VARS2: variants seen among roughly 807,000 people sequenced by gnomAD.
VARS2 encodes valine--tRNA ligase, mitochondrial.
A neutral mutation model predicts 154.1 loss-of-function variants in VARS2; 105 were observed. That is an observed-to-expected ratio of 0.68 (90% confidence interval 0.58 to 0.80). VARS2 has a LOEUF of 0.80. Among genes scored for constraint, VARS2 ranks in the 30% least tolerant of loss-of-function variants. The pLI is 0.00. For synonymous variants in VARS2, 483 were observed against 539.5 expected, an observed-to-expected ratio of 0.90 and a Z score of 1.45; for missense variants, 1,157 against 1,361.4, an observed-to-expected ratio of 0.85 and a Z score of 2.36.
chr6:30,914,294 C>T lies in VARS2; in HGVS notation c.-78C>T. 1.9e-6 allele frequency: 2 copies of T among 1,050,228 alleles called. No individual in the cohort carries two copies. The highest frequency in any genetic ancestry group is 2.4e-6 in the Non-Finnish European group (2 of 818,834). The allele number at this position is 1,050,228 out of a possible 1,614,324, so 65.1% of individuals were successfully genotyped here. On this transcript the variant is annotated 5_prime_UTR_variant, in exon 1 of 30. Transcript: ENST00000676266. ...GTTCCAGGGTCGGGTTTGGTGGATT[C>T]CTCAGTCCCTGCCGCCGCGGGGCGC...
At position 30,922,072 on chromosome 6, in the gene VARS2, G is replaced by GGGGGCCT. The variant is rs777698400; in HGVS notation, c.1807-33_1807-27dup. The GGGGGCCT allele has an allele frequency of 1.2e-5, 19 of 1,612,754 alleles. 1 individual carries two copies. The South Asian group carries it at 2.1e-4, about 18-fold the overall frequency. On this transcript the variant is annotated intron_variant, in intron 19 of 29. Transcript: ENST00000676266. ...GGCTGGGCCCCCACAGAGGCTTGAG[G>GGGGGCCT]GGGGCCTGGGGCCTGGGCCTCTTAC...
rs377324441 is a variant in VARS2, at chr6:30,921,616, C to T, written c.1660C>T (p.Arg554Trp). 8.7e-6 allele frequency: 14 copies of T among 1,608,084 alleles called. No homozygotes were observed. Among genetic ancestry groups the T allele is most frequent in the South Asian group, 2.2e-5 (2 of 89,644 alleles). The part of the protein sequence containing the change: ...QGEEDCWVVG[R>W]SEAEAREVAA... ...AGAAGAGGACTGTTGGGTGGTTGGG[C>T]GGTCAGAGGCTGAGGCCAGAGAGGT... Residue 554 changes from arginine (R) to tryptophan (W), a missense_variant, in exon 18 of 30, where the codon CGG becomes TGG. Physicochemically the swap from Arg to Trp is moderately radical, Grantham distance 101. Transcript: ENST00000676266. This position sits in a 1 kb window ranked among gnomAD's most constrained non-coding sequence, Gnocchi z 4.6.
chr6:30,924,568 C>T lies in VARS2; in HGVS notation c.2673+8C>T. 1.3e-6 allele frequency: 2 copies of T among 1,506,834 alleles called. No homozygotes were observed. Among genetic ancestry groups the T allele is most frequent in the Non-Finnish European group, 1.8e-6 (2 of 1,119,178 alleles). 93.3% of individuals were successfully genotyped at this position (1,506,834 alleles called of 1,614,324 possible). ...CCCAGCGCCTGCAGCTTGGTGAGTC[C>T]CAAGCACCTTGGAGTGGGTCTGTGG... On this transcript the variant is annotated splice_region_variant and intron_variant, in intron 26 of 29. Coordinates refer to ENST00000676266, the MANE Select transcript of VARS2 (RefSeq NM_020442.6).
At chr6:30,923,954 G>A (rs1202911605) in intron 25 of VARS2, 1 of 358,882 alleles carries the variant, frequency 2.8e-6, no homozygotes, top group Middle Eastern at 8.3e-4. Flanking sequence ...CCCCAGAGTG[G>A]CTCCTTTAGC....
chr6:30,919,674 T>G lies in VARS2; in HGVS notation c.1075-84T>G, dbSNP rs1794383739. The G allele has an allele frequency of 9.2e-7, 1 of 1,091,380 alleles. No individual in the cohort carries two copies. The highest frequency in any genetic ancestry group is 1.6e-5 in the African/African-American group (1 of 62,514). The allele number at this position is 1,091,380 out of a possible 1,614,324, so 67.6% of individuals were successfully genotyped here. A position where few individuals can be genotyped will look rare whatever the true frequency, so the allele number is the denominator to read the frequency against. ...TTGCTACCTTCCACTTTCTACCTTC[T>G]TATTCCTGGGGTTCTCACGCCCCAG... is the stretch of plus-strand genomic sequence containing the variant. On this transcript the variant is annotated intron_variant, in intron 11 of 29. Coordinates refer to ENST00000676266, the MANE Select transcript of VARS2 (RefSeq NM_020442.6). The surrounding 1 kb of genome is among the most constrained non-coding windows in gnomAD (Gnocchi z 4.5).
chr6:30,919,328 A>AT lies in VARS2; in HGVS notation c.1074+421dup, dbSNP rs1794362307. On this transcript the variant is annotated intron_variant, in intron 11 of 29. Transcript: ENST00000676266. The surrounding 1 kb of genome is among the most constrained non-coding windows in gnomAD (Gnocchi z 4.5). The stretch of plus-strand genomic sequence containing the variant: ...GTATTTTTACAAAAATTAGTAATTA[A>AT]TTTTTTTTAAGTAATGTAATTTTTA... The AT allele has an allele frequency of 5.6e-6, 1 of 178,602 alleles. No individual in the cohort carries two copies. Among genetic ancestry groups the AT allele is most frequent in the Admixed American group, 5.9e-5 (1 of 16,856 alleles). The allele number at this position is 178,602 out of a possible 1,614,324, so 11.1% of individuals were successfully genotyped here. A position where few individuals can be genotyped will look rare whatever the true frequency, so the allele number is the denominator to read the frequency against.
Position 30,925,918 on chromosome 6 carries a change from C to T in VARS2, c.3000C>T (p.Ala1000=), listed in dbSNP as rs563588187. The T allele has an allele frequency of 8.1e-6, 13 of 1,613,026 alleles. No individual in the cohort carries two copies. Among genetic ancestry groups the T allele is most frequent in the East Asian group, 6.7e-5 (3 of 44,878 alleles). The change falls in exon 29 of 30, where the codon GCC becomes GCT. Residue 1000 remains alanine, a synonymous_variant. Transcript: ENST00000676266. The stretch of plus-strand genomic sequence containing the variant: ...CGCAGATCCAGCTACCTCTGTTAGC[C>T]GCCCGAAGGTACAAGTTGCAGAAGC... ...VDPQIQLPLL[A]ARRYKLQKQL...
In VARS2 at chr6:30,917,841, C is replaced by T. The variant is rs1487332221; in HGVS notation, c.985+35C>T. Reference sequence around the variant, plus strand: ...GTACTCTGCAGGGTCACCCGTTTACCTCCATTTTTCCTGTTTTCTGAAGCC... The same window carrying T: ...GTACTCTGCAGGGTCACCCGTTTACTTCCATTTTTCCTGTTTTCTGAAGCC... On this transcript the variant is annotated intron_variant, in intron 10 of 29. Transcript: ENST00000676266. The surrounding 1 kb of genome is among the most constrained non-coding windows in gnomAD (Gnocchi z 4.4). The T allele has an allele frequency of 6.5e-7, 1 of 1,545,550 alleles. No homozygotes were observed. The highest frequency in any genetic ancestry group is 8.8e-7 in the Non-Finnish European group (1 of 1,141,800).
Position 30,921,816 on chromosome 6 carries a change from G to A in VARS2, c.1736-109G>A, listed in dbSNP as rs984974900. On this transcript the variant is annotated intron_variant, in intron 18 of 29. Transcript: ENST00000676266. The surrounding 1 kb of genome is among the most constrained non-coding windows in gnomAD (Gnocchi z 4.6). Reference sequence around the variant, plus strand: ...GAAAGTTGGGAATGGAGCCAAAGGGGACAGCCCTGGTCTCTGGGGGTGGGG... The same window carrying A: ...GAAAGTTGGGAATGGAGCCAAAGGGAACAGCCCTGGTCTCTGGGGGTGGGG... 16 of 1,556,742 alleles carry A rather than the reference G, an allele frequency of 1.0e-5. No individual in the cohort carries two copies. Among genetic ancestry groups the A allele is most frequent in the Non-Finnish European group, 1.3e-5 (15 of 1,136,276 alleles).
At chr6:30,923,837 C>T in intron 25 of VARS2, 1 of 413,848 alleles carries the variant, frequency 2.4e-6, no homozygotes. Context: ...CTGAGAGAGG[C>T]CTGGGAGGGA....
chr6:30,922,640 C>A, intron 21 of VARS2, 66 bp from the exon 22 acceptor site: 2 of 1,572,690 alleles, frequency 1.3e-6, no homozygotes, highest in South Asian at 1.2e-5. Flanking sequence ...GTGAGGCCAG[C>A]AGGTGTGACC....
rs1054979703 is a variant in VARS2 at position 30,924,354 on chromosome 6, G to A, written c.2467G>A (p.Glu823Lys). The stretch of plus-strand genomic sequence containing the variant: ...CTCTGACCATTGGCTTCCTCTCCAG[G>A]AGGCTGTGAAGCCCGTGCTGTGGCA... ...WLHNLCDVYLEAVKPVLWHSP... is the reference protein window; with the variant it reads ...WLHNLCDVYLKAVKPVLWHSP... Residue 823 changes from glutamate (E) to lysine (K), a missense_variant and splice_region_variant, in exon 26 of 30, where the codon GAG (glutamate) becomes AAG (lysine). Glu to Lys is a moderately conservative substitution (Grantham distance 56, BLOSUM62 1). Coordinates refer to ENST00000676266, the MANE Select transcript of VARS2 (RefSeq NM_020442.6). 9.3e-6 allele frequency: 15 copies of A among 1,611,562 alleles called. No homozygotes were observed. The Admixed American group carries it at 2.0e-4, about 21-fold the overall frequency.
Position 30,925,570 on chromosome 6 carries a change from G to A in VARS2, c.2812G>A (p.Asp938Asn), listed in dbSNP as rs753631665. 1 of 1,603,308 alleles carries A rather than the reference G, an allele frequency of 6.2e-7. No individual in the cohort carries two copies. The highest frequency in any genetic ancestry group is 8.5e-7 in the Non-Finnish European group (1 of 1,176,716). ...RVLLQSSEPG[D>N]QGLFEAFLEP... Reference sequence around the variant, plus strand: ...GCTGCTGCAGAGCTCAGAGCCTGGGGACCAGGGCCTCTTCGAGGCCTTCTT... The same window carrying A: ...GCTGCTGCAGAGCTCAGAGCCTGGGAACCAGGGCCTCTTCGAGGCCTTCTT... The change falls in exon 28 of 30, where the codon GAC becomes AAC. Residue 938 changes from aspartate (D) to asparagine (N), a missense_variant. Transcript: ENST00000676266.
chr6:30,921,476 C>G lies in VARS2; in HGVS notation c.1633-113C>G, dbSNP rs1794508505. On this transcript the variant is annotated intron_variant, in intron 17 of 29. Transcript: ENST00000676266. The surrounding 1 kb of genome is among the most constrained non-coding windows in gnomAD (Gnocchi z 4.6). ...CCTGAAGTGGCATTTCTTTATCTCACCCCTGGGGGAACCTGGCCACTCTAA... is the reference window on the plus strand; with the variant it reads ...CCTGAAGTGGCATTTCTTTATCTCAGCCCTGGGGGAACCTGGCCACTCTAA... 9 of 1,435,920 alleles carry G rather than the reference C, an allele frequency of 6.3e-6. No homozygotes were observed. Among genetic ancestry groups the G allele is most frequent in the Non-Finnish European group, 8.6e-6 (9 of 1,043,422 alleles). 88.9% of individuals were successfully genotyped at this position (1,435,920 alleles called of 1,614,324 possible). A position where few individuals can be genotyped will look rare whatever the true frequency, so the allele number is the denominator to read the frequency against.
Position 30,915,880 on chromosome 6 carries a change from T to G in VARS2, c.506+13T>G. The G allele has an allele frequency of 6.2e-7, 1 of 1,612,616 alleles. No homozygotes were observed. The highest frequency in any genetic ancestry group is 8.5e-7 in the Non-Finnish European group (1 of 1,179,544). On this transcript the variant is annotated intron_variant, in intron 5 of 29. Coordinates refer to ENST00000676266, the MANE Select transcript of VARS2 (RefSeq NM_020442.6). The stretch of plus-strand genomic sequence containing the variant: ...CCCTCGTGCGCTGGTGAGAGGGGAG[T>G]GGGGGCTGCTTGAGTTCTTGGAAGG...
At chr6:30,923,652 C>T in intron 25 of VARS2, 147 bp downstream of exon 25, 1 of 1,245,356 alleles carries the variant, frequency 8.0e-7, no homozygotes, top group Non-Finnish European at 1.1e-6. Flanking sequence ...CTCAGTTCCC[C>T]TCTTCCTGGG....
chr6:30,922,076 G>C (rs1039086429), intron 19 of VARS2, 40 bp from the exon 20 acceptor site: 1 of 1,612,350 alleles, frequency 6.2e-7, no homozygotes, highest in Non-Finnish European at 8.5e-7. Context: ...CTTGAGGGGG[G>C]CCTGGGGCCT....
chr6:30,925,883 C>T lies in VARS2; in HGVS notation c.2965C>T (p.Leu989=). ...TAQVYMELQG[L]VDPQIQLPLL... is the part of the protein sequence containing the mutation. ...TTTTCTCCCTGTTCTTCCCCAGGGC[C>T]TGGTGGACCCGCAGATCCAGCTACC... Residue 989 remains leucine (L), a synonymous_variant, in exon 29 of 30, where the codon CTG becomes TTG. Coordinates refer to ENST00000676266, the MANE Select transcript of VARS2 (RefSeq NM_020442.6). 1 of 1,612,806 alleles carries T rather than the reference C, an allele frequency of 6.2e-7. No homozygotes were observed.
In VARS2 at chr6:30,916,256, A is replaced by G; in HGVS notation, c.671+7A>G. 3 of 1,609,590 alleles carry G rather than the reference A, an allele frequency of 1.9e-6. No individual in the cohort carries two copies. Among genetic ancestry groups the G allele is most frequent in the Non-Finnish European group, 2.5e-6 (3 of 1,177,278 alleles). ...TGTGGCAGTGGAAGGAGGCGTGAGT[A>G]TGATGGGCAGGACTCGGGGGGCCCA... is the stretch of plus-strand genomic sequence containing the variant. On this transcript the variant is annotated splice_region_variant and intron_variant, in intron 7 of 29. Transcript: ENST00000676266. The surrounding 1 kb of genome is among the most constrained non-coding windows in gnomAD (Gnocchi z 4.0).
Sources: gnomAD v4.1 joint callset for allele counts on GRCh38, gnomAD v4.1.1 for gene constraint, Gnocchi (gnomAD v3.1) non-coding constraint, MANE v1.5 for transcripts, NCBI Gene and HGNC (gene_info 2026-07-23, HGNC 2026-07-21) for gene names.